The following FRMD3 variants were observed in gnomAD, a reference collection of about 807,000 sequenced individuals.
FRMD3 encodes the protein FERM domain containing 3, also known as FERM domain-containing protein 3.
In FRMD3, 33 loss-of-function variants were observed where a neutral mutation model predicts 70.2. The ratio of observed to expected loss-of-function variants is 0.47; its 90% confidence interval spans 0.36 to 0.63. The LOEUF (loss-of-function observed/expected upper bound fraction) is 0.63, where lower values mean the gene tolerates loss of function less well. Among genes scored for constraint, FRMD3 ranks in the 20% least tolerant of loss-of-function variants. The pLI, the probability that FRMD3 is intolerant of heterozygous loss-of-function variation, is 0.00. For synonymous variants in FRMD3, 279 were observed against 255.9 expected (o/e 1.09, Z -0.86); for missense variants, 632 against 711.4 (o/e 0.89, Z 1.27).
chr9:83,273,111 T>A (rs112714795), intron 13 of FRMD3, among the ~76,000 whole-genome samples: 1 of 138,968 alleles, frequency 7.2e-6, no homozygotes, highest in African/African-American at 2.7e-5. Flanking sequence ...TCTGCCCGGC[T>A]GCCACCCCAT....
chr9:83,462,344 A>C (rs1202739369), intron 1 of FRMD3, among the ~76,000 whole-genome samples: 1 of 152,154 alleles, frequency 6.6e-6, no homozygotes, highest in African/African-American at 2.4e-5. Context: ...ACGGTCTCTG[A>C]AGCATCTAAG....
intron 13 of FRMD3, among the ~76,000 whole-genome samples, chr9:83,267,986 C>G (rs1170260915): frequency 6.6e-6 from 1 of 152,086 alleles, no homozygotes; most frequent in Non-Finnish European, 1.5e-5. Flanking sequence ...GAAACGACAA[C>G]TTAGAGAGAG....
At chr9:83,301,696 T>A (rs1196433340) in intron 10 of FRMD3, among the ~76,000 whole-genome samples, 1 of 152,250 alleles carries the variant, frequency 6.6e-6, no homozygotes, top group African/African-American at 2.4e-5. Context: ...GCTCTGGCCC[T>A]TCCAGGCCCC....
chr9:83,445,275 A>G lies in FRMD3; in HGVS notation c.148-55567T>C, dbSNP rs538834374. On this transcript the variant is annotated intron_variant, in intron 1 of 13. Coordinates refer to ENST00000304195, the MANE Select transcript of FRMD3 (RefSeq NM_174938.6). Reference sequence around the variant, plus strand: ...CTTGAACCCAGGAGGCGGAGGTTGCAGTGAGCCGAGATCACACCACTGCAC... The same window carrying G: ...CTTGAACCCAGGAGGCGGAGGTTGCGGTGAGCCGAGATCACACCACTGCAC... 3.3e-5 allele frequency among the ~76,000 whole-genome samples: 5 copies of G among 151,814 alleles called. No homozygotes were observed. The South Asian group carries it at 8.3e-4, about 25-fold the overall frequency.
At chr9:83,502,465 C>T (rs1829090255) in intron 1 of FRMD3, among the ~76,000 whole-genome samples, 1 of 152,128 alleles carries the variant, frequency 6.6e-6, no homozygotes, top group South Asian at 2.1e-4. Context: ...TTATTTGGTA[C>T]AGCTATAAGC....
At chr9:83,283,223 CT>C (rs1834039294) in intron 13 of FRMD3, among the ~76,000 whole-genome samples, 1 of 152,108 alleles carries the variant, frequency 6.6e-6, no homozygotes, top group African/African-American at 2.4e-5. Flanking sequence ...AACTGTGATG[CT>C]GTCTTCAAGA....
At chr9:83,529,690 C>G (rs1829755731) in intron 1 of FRMD3, among the ~76,000 whole-genome samples, 1 of 152,040 alleles carries the variant, frequency 6.6e-6, no homozygotes, top group African/African-American at 2.4e-5. Flanking sequence ...TTGACCCCAT[C>G]AAGAAAGTAA....
In FRMD3 at chr9:83,386,006, A is replaced by G. The variant is rs1249664422; in HGVS notation, c.252+3598T>C. Among the ~76,000 whole-genome samples the G allele has an allele frequency of 2.6e-5, 4 of 152,096 alleles. No homozygotes were observed. In the East Asian group the frequency reaches 7.7e-4, roughly 29 times the overall value. On this transcript the variant is annotated intron_variant, in intron 2 of 13. Coordinates refer to ENST00000304195, the MANE Select transcript of FRMD3 (RefSeq NM_174938.6). ...AATAATTGTAAGAATAATAATAACAACCAAGAGTGAAAATAACACATACCA... is the reference window on the plus strand; with the variant it reads ...AATAATTGTAAGAATAATAATAACAGCCAAGAGTGAAAATAACACATACCA...
the FRMD3 span, among the ~76,000 whole-genome samples, chr9:83,566,808 C>T: frequency 4.6e-5 from 7 of 152,364 alleles, no homozygotes; most frequent in African/African-American, 9.6e-5. Context: ...TGGGCAGCTC[C>T]GCCCCTGTGG....
intron 1 of FRMD3, among the ~76,000 whole-genome samples, chr9:83,453,913 T>C (rs11140100): frequency 0.23 from 34,192 of 151,666 alleles, 3,953 homozygotes; most frequent in Non-Finnish European, 0.26. Flanking sequence ...GACGGGGTTT[T>C]GCCGTGTTAG....
At chr9:83,316,139 CTTTTTTCTCTTTTTT>C (rs1312893338) in intron 6 of FRMD3, among the ~76,000 whole-genome samples, 1 of 141,426 alleles carries the variant, frequency 7.1e-6, no homozygotes, top group East Asian at 2.0e-4. Context: ...CCACCTTATT[CTTTTTTCTCTTTTTT>C]TTTTTTCTTT....
intron 1 of FRMD3, among the ~76,000 whole-genome samples, chr9:83,499,809 A>G (rs1829022177): frequency 6.6e-6 from 1 of 152,246 alleles, no homozygotes; most frequent in African/African-American, 2.4e-5. Flanking sequence ...GAATGTTTAT[A>G]GAAGCCTTAT....
chr9:83,243,329 C>G (rs1587598934), downstream of FRMD3: 2 of 1,073,774 alleles, frequency 1.9e-6, no homozygotes, highest in East Asian at 5.2e-5. Flanking sequence ...AGAGAGTGGC[C>G]CAGAGGGACT....
At chr9:83,283,741 A>G (rs376321079) in intron 13 of FRMD3, among the ~76,000 whole-genome samples, 2 of 152,162 alleles carry the variant, frequency 1.3e-5, no homozygotes, top group African/African-American at 2.4e-5. Context: ...ATGCCATTAG[A>G]TAAGAATGTT....
intron 3 of FRMD3, among the ~76,000 whole-genome samples, chr9:83,359,388 A>G (rs1266425955): frequency 6.6e-6 from 1 of 152,214 alleles, no homozygotes; most frequent in African/African-American, 2.4e-5. Flanking sequence ...CAAGTTTGTC[A>G]TTTGAACAAA....
intron 3 of FRMD3, among the ~76,000 whole-genome samples, chr9:83,371,998 A>G (rs1012242191): frequency 2.0e-5 from 3 of 152,238 alleles, no homozygotes; most frequent in East Asian, 3.8e-4. Context: ...CAATTTCTTC[A>G]TATTCAAAAA....
At chr9:83,267,054 GAACA>G in intron 13 of FRMD3, 1 of 1,550,896 alleles carries the variant, frequency 6.4e-7, no homozygotes, top group Non-Finnish European at 8.7e-7. Flanking sequence ...CTCAGCAGAC[GAACA>G]AACACATTAC....
At chr9:83,327,251 A>T (rs368504997) in intron 6 of FRMD3, among the ~76,000 whole-genome samples, 3 of 152,324 alleles carry the variant, frequency 2.0e-5, no homozygotes, top group East Asian at 3.9e-4. Flanking sequence ...GGCTTAGATT[A>T]CATTTTGCTG....
At chr9:83,477,620 T>C (rs972114499) in intron 1 of FRMD3, among the ~76,000 whole-genome samples, 19 of 152,176 alleles carry the variant, frequency 1.2e-4, no homozygotes, top group Admixed American at 1.0e-3. Context: ...CAAGGTTCTA[T>C]TACTACTGAA....
Sources: allele counts gnomAD v4.1 joint callset (sites outside exome capture counted in the v4.1 genomes callset), GRCh38; gene constraint gnomAD v4.1.1; transcripts MANE v1.5; gene names NCBI Gene and HGNC (gene_info 2026-07-23, HGNC 2026-07-21).